The following GRID2 variants were observed in gnomAD, a reference collection of about 807,000 sequenced individuals.
GRID2 encodes the protein glutamate ionotropic receptor delta type subunit 2.
In GRID2, 33 loss-of-function variants were observed where a neutral mutation model predicts 114.8. That is an observed-to-expected ratio of 0.29 (90% CI 0.22 to 0.38). The LOEUF (loss-of-function observed/expected upper bound fraction) is 0.38. Ranked by LOEUF, GRID2 falls within the 10% of genes least tolerant of loss-of-function variation. The pLI is 1.00. For missense variants in GRID2, 1,184 were observed against 1,257.7 expected, an observed-to-expected ratio of 0.94 and a Z score of 0.89; for synonymous variants, 505 against 449.9, an observed-to-expected ratio of 1.12 and a Z score of -1.55.
chr4:92,684,498 T>C lies in GRID2; in HGVS notation c.244+94212T>C, dbSNP rs1273562987. 2.0e-5 allele frequency among the ~76,000 whole-genome samples: 3 copies of C among 152,174 alleles called. No homozygotes were observed. The East Asian group carries it at 5.8e-4, about 29-fold the overall frequency. On this transcript the variant is annotated intron_variant, in intron 2 of 15. Transcript: ENST00000282020. ...TGCCCCTCATTTCTTGTTCTGTCTT[T>C]CCTAACAAGAACATCATGTTAGGAT...
chr4:92,655,128 C>T (rs2149264930), intron 2 of GRID2, among the ~76,000 whole-genome samples: 1 of 152,046 alleles, frequency 6.6e-6, no homozygotes, highest in East Asian at 1.9e-4. Flanking sequence ...GTTTTCCAAG[C>T]ACCATTTATT....
intron 2 of GRID2, among the ~76,000 whole-genome samples, chr4:93,059,121 T>G (rs1727541068): frequency 6.6e-6 from 1 of 152,094 alleles, no homozygotes; most frequent in Non-Finnish European, 1.5e-5. Flanking sequence ...ATAATGTAAA[T>G]GTATCAATCA....
chr4:92,911,409 CT>C (rs1748370101), intron 2 of GRID2, among the ~76,000 whole-genome samples: 1 of 151,914 alleles, frequency 6.6e-6, no homozygotes, highest in Non-Finnish European at 1.5e-5. Flanking sequence ...GACAACTTAC[CT>C]GTGTAACAAA....
At chr4:92,374,870 C>T (rs964394056) in intron 1 of GRID2, among the ~76,000 whole-genome samples, 15 of 151,988 alleles carry the variant, frequency 9.9e-5, no homozygotes, top group East Asian at 3.9e-4. Flanking sequence ...AAGGATGAAA[C>T]GTGGTAGGTT....
intron 1 of GRID2, among the ~76,000 whole-genome samples, chr4:93,802,890 T>C (rs1046931912): frequency 6.6e-6 from 1 of 152,240 alleles, no homozygotes; most frequent in Non-Finnish European, 1.5e-5. Context: ...ATTCTGACCC[T>C]GTGTCCTGTT....
intron 2 of GRID2, among the ~76,000 whole-genome samples, chr4:92,968,557 G>T (rs551666018): frequency 6.6e-6 from 1 of 151,952 alleles, no homozygotes; most frequent in Non-Finnish European, 1.5e-5. Context: ...TACATCTCAT[G>T]TTTCTCAGTA....
At chr4:93,279,729 G>A (rs1177004077) in intron 8 of GRID2, among the ~76,000 whole-genome samples, 1 of 151,832 alleles carries the variant, frequency 6.6e-6, no homozygotes, top group African/African-American at 2.4e-5. Context: ...AATGAACAGA[G>A]TTATTATGGG....
intron 1 of GRID2, among the ~76,000 whole-genome samples, chr4:92,558,838 C>T (rs899000083): frequency 1.3e-5 from 2 of 149,796 alleles, no homozygotes; most frequent in Non-Finnish European, 3.0e-5. Context: ...GAATTCATTA[C>T]TAGAGCTGAT....
At chr4:92,634,859 CAG>C (rs71682478) in intron 2 of GRID2, among the ~76,000 whole-genome samples, 241 of 142,446 alleles carry the variant, frequency 1.7e-3, no homozygotes, top group Admixed American at 1.6e-3. Context: ...TGCAGAGAGA[CAG>C]AGAGAGAGAG....
chr4:92,709,195 A>G (rs938836848), intron 2 of GRID2, among the ~76,000 whole-genome samples: 4 of 152,168 alleles, frequency 2.6e-5, no homozygotes, highest in Non-Finnish European at 4.4e-5. Context: ...GCAATGCCCA[A>G]CTTATCAATG....
chr4:92,882,997 G>A (rs1425676450), intron 2 of GRID2, among the ~76,000 whole-genome samples: 1 of 152,100 alleles, frequency 6.6e-6, no homozygotes, highest in Non-Finnish European at 1.5e-5. Context: ...AGTGAAGTTT[G>A]CCACATTGAT....
At chr4:92,409,643 T>C in intron 1 of GRID2, among the ~76,000 whole-genome samples, 1 of 152,258 alleles carries the variant, frequency 6.6e-6, no homozygotes, top group Non-Finnish European at 1.5e-5. Flanking sequence ...ATAAGTAAAC[T>C]AATGTTAAAA....
chr4:92,318,316 T>A (rs375903626), intron 1 of GRID2, among the ~76,000 whole-genome samples: 33 of 136,192 alleles, frequency 2.4e-4, no homozygotes, highest in South Asian at 9.4e-4. Flanking sequence ...ATATTTTTTT[T>A]TTTTTTTTTG....
intron 13 of GRID2, among the ~76,000 whole-genome samples, chr4:93,624,953 C>T (rs1578425285): frequency 2.0e-5 from 3 of 152,214 alleles, no homozygotes. Context: ...GTTGTGGAAT[C>T]GTTTTATTTT....
chr4:93,510,982 A>G (rs537592221), intron 12 of GRID2, among the ~76,000 whole-genome samples: 119 of 152,114 alleles, frequency 7.8e-4, no homozygotes, highest in African/African-American at 2.6e-3. Context: ...TGTTGCCAAA[A>G]CTGGAGTGCG....
chr4:93,715,613 G>C (rs112277382), intron 14 of GRID2, among the ~76,000 whole-genome samples: 6,411 of 152,224 alleles, frequency 0.042, 220 homozygotes, highest in African/African-American at 0.084. Flanking sequence ...TCTTTGAGTA[G>C]TGGCTTGTAG....
At chr4:92,771,375 G>T (rs1381611039) in intron 2 of GRID2, among the ~76,000 whole-genome samples, 1 of 152,190 alleles carries the variant, frequency 6.6e-6, no homozygotes, top group Non-Finnish European at 1.5e-5. Context: ...TTTTTCACAT[G>T]TGACTCCCTA....
At chr4:93,292,848 G>A (rs560763733) in intron 8 of GRID2, among the ~76,000 whole-genome samples, 1 of 152,236 alleles carries the variant, frequency 6.6e-6, no homozygotes, top group South Asian at 2.1e-4. Context: ...TACATTGGAA[G>A]GTGTAATCTT....
At chr4:92,743,357 T>A (rs1168061562) in intron 2 of GRID2, among the ~76,000 whole-genome samples, 1 of 152,142 alleles carries the variant, frequency 6.6e-6, no homozygotes, top group Non-Finnish European at 1.5e-5. Flanking sequence ...TTTTTGTGCT[T>A]TTTTCTTTCA....
Sources: allele counts gnomAD v4.1 joint callset (sites outside exome capture counted in the v4.1 genomes callset), GRCh38; gene constraint gnomAD v4.1.1; transcripts MANE v1.5; gene names NCBI Gene and HGNC (gene_info 2026-07-23, HGNC 2026-07-21).